Variants in RAP2B observed in about 807,000 individuals in gnomAD.
RAP2B encodes the protein ras-related protein Rap-2b.
RAP2B carries 6 observed loss-of-function variants against 14.4 expected under a neutral mutation model. The observed-to-expected ratio is 0.42, with a 90% CI of 0.23 to 0.82. The LOEUF is 0.82. Among genes scored for constraint, RAP2B ranks in the 40% least tolerant of loss-of-function variants. The pLI, the probability that RAP2B is intolerant of heterozygous loss-of-function variation, is 0.30. For synonymous variants in RAP2B, 118 were observed against 113.2 expected (o/e 1.04, Z -0.27); for missense variants, 137 against 248.2 (o/e 0.55, Z 3.01).
rs963541808 is a variant in RAP2B, at chr3:153,167,439, T to A, written c.*4194T>A. 6.0e-6 allele frequency: 1 copy of A among 167,016 alleles called. No individual in the cohort carries two copies. The highest frequency in any genetic ancestry group is 1.5e-5 in the Non-Finnish European group (1 of 68,124). The allele number at this position is 167,016 out of a possible 1,614,324, so 10.3% of individuals were successfully genotyped here. On this transcript the variant is annotated 3_prime_UTR_variant, in exon 1 of 1. Transcript: ENST00000323534. ...GTCTCGGGTAGGGTCTCAATTTTCA[T>A]TTCTAACAAGTTTCCAAGTGATTGT...
Position 153,170,602 on chromosome 3 carries a change from T to C in RAP2B, c.*7357T>C, listed in dbSNP as rs1031822577. 3 of 152,174 alleles carry C rather than the reference T, an allele frequency of 2.0e-5. No individual in the cohort carries two copies. Among genetic ancestry groups the C allele is most frequent in the African/African-American group, 7.2e-5 (3 of 41,458 alleles). 9.4% of individuals were successfully genotyped at this position (152,174 alleles called of 1,614,324 possible). ...TTGAAAGGTATGTGGAAATTGTAAATAAAAATGGATTCCATGAATTTCAAA... is the reference window on the plus strand; with the variant it reads ...TTGAAAGGTATGTGGAAATTGTAAACAAAAATGGATTCCATGAATTTCAAA... On this transcript the variant is annotated 3_prime_UTR_variant, in exon 1 of 1. Coordinates refer to ENST00000323534, the MANE Select transcript of RAP2B (RefSeq NM_002886.4).
Position 153,162,429 on chromosome 3 carries a change from T to G in RAP2B, c.-265T>G. Reference sequence around the variant, plus strand: ...CAGGCTGCGGGCATTGTCCTCTCGGTTCGCCGCCCGGGCTGCTGCTGCCGC... The same window carrying G: ...CAGGCTGCGGGCATTGTCCTCTCGGGTCGCCGCCCGGGCTGCTGCTGCCGC... On this transcript the variant is annotated 5_prime_UTR_variant, in exon 1 of 1. Coordinates refer to ENST00000323534, the MANE Select transcript of RAP2B (RefSeq NM_002886.4). The surrounding 1 kb of genome is among the most constrained non-coding windows in gnomAD (Gnocchi z 4.9). 3.6e-6 allele frequency: 1 copy of G among 275,992 alleles called. No homozygotes were observed. The highest frequency in any genetic ancestry group is 6.7e-6 in the Non-Finnish European group (1 of 149,776). The allele number at this position is 275,992 out of a possible 1,614,324, so 17.1% of individuals were successfully genotyped here.
In RAP2B at chr3:153,163,884, C is replaced by G. The variant is rs961984875; in HGVS notation, c.*639C>G. 2.4e-5 allele frequency: 4 copies of G among 166,876 alleles called. No individual in the cohort carries two copies. Among genetic ancestry groups the G allele is most frequent in the African/African-American group, 9.7e-5 (4 of 41,432 alleles). The allele number at this position is 166,876 out of a possible 1,614,324, so 10.3% of individuals were successfully genotyped here. ...GATTGCGATTCTGAGGATGTCTATG[C>G]AAAGTTGGATTCTTGTTACAGTGTA... On this transcript the variant is annotated 3_prime_UTR_variant, in exon 1 of 1. Transcript: ENST00000323534.
rs188654640 is a variant in RAP2B at position 153,167,867 on chromosome 3, T to C, written c.*4622T>C. 1.2e-5 allele frequency: 2 copies of C among 167,034 alleles called. No homozygotes were observed. Among genetic ancestry groups the C allele is most frequent in the East Asian group, 3.9e-4 (2 of 5,188 alleles). The allele number at this position is 167,034 out of a possible 1,614,324, so 10.3% of individuals were successfully genotyped here. On this transcript the variant is annotated 3_prime_UTR_variant, in exon 1 of 1. Transcript: ENST00000323534. ...CTCCCCAACCTAGGGGAAAAAAAAT[T>C]TGAAAAGTATGTCTTCAATAAAAGG... is the stretch of plus-strand genomic sequence containing the variant.
rs953049092 is a variant in RAP2B at position 153,164,482 on chromosome 3, C to G, written c.*1237C>G. The G allele has an allele frequency of 1.2e-5, 2 of 167,030 alleles. No individual in the cohort carries two copies. The highest frequency in any genetic ancestry group is 2.9e-5 in the Non-Finnish European group (2 of 68,112). The allele number at this position is 167,030 out of a possible 1,614,324, so 10.3% of individuals were successfully genotyped here. A position where few individuals can be genotyped will look rare whatever the true frequency, so the allele number is the denominator to read the frequency against. On this transcript the variant is annotated 3_prime_UTR_variant, in exon 1 of 1. Transcript: ENST00000323534. ...TTTAAAATGTAATTTCCATCTCTTG[C>G]AATGAATTTGTTTCCCTTTTTTTTG...
rs1178665555 is a variant in RAP2B, at chr3:153,163,258, G to C, written c.*13G>C. 1.3e-6 allele frequency: 2 copies of C among 1,513,288 alleles called. No homozygotes were observed. Among genetic ancestry groups the C allele is most frequent in the Non-Finnish European group, 1.8e-6 (2 of 1,134,402 alleles). The allele number at this position is 1,513,288 out of a possible 1,614,324, so 93.7% of individuals were successfully genotyped here. ...CGTGATCCTCTGAGGCGGCCACCGC[G>C]CGCCGGCCGCGCTCTGCGCACAAAA... is the stretch of plus-strand genomic sequence containing the variant. On this transcript the variant is annotated 3_prime_UTR_variant, in exon 1 of 1. Coordinates refer to ENST00000323534, the MANE Select transcript of RAP2B (RefSeq NM_002886.4).
In RAP2B at chr3:153,164,543, C is replaced by T. The variant is rs1275483708; in HGVS notation, c.*1298C>T. On this transcript the variant is annotated 3_prime_UTR_variant, in exon 1 of 1. Transcript: ENST00000323534. Reference sequence around the variant, plus strand: ...TTTAAATTTTCAGGTATTTAGCTCCCCTTTCATATTATTTTTAAATTTTTT... The same window carrying T: ...TTTAAATTTTCAGGTATTTAGCTCCTCTTTCATATTATTTTTAAATTTTTT... 4.2e-5 allele frequency: 7 copies of T among 166,786 alleles called. No individual in the cohort carries two copies. Among genetic ancestry groups the T allele is most frequent in the Middle Eastern group, 3.4e-3 (1 of 294 alleles). The allele number at this position is 166,786 out of a possible 1,614,324, so 10.3% of individuals were successfully genotyped here. A position where few individuals can be genotyped will look rare whatever the true frequency, so the allele number is the denominator to read the frequency against.
chr3:153,163,229 C>T lies in RAP2B; in HGVS notation c.536C>T (p.Ala179Val). Reference sequence around the variant, plus strand: ...AACGGCGATGAGGGCTGCTGCTCGGCCTGCGTGATCCTCTGAGGCGGCCAC... The same window carrying T: ...AACGGCGATGAGGGCTGCTGCTCGGTCTGCGTGATCCTCTGAGGCGGCCAC... ...QPNGDEGCCS[A>V]CVIL Residue 179 changes from alanine (A) to valine (V), a missense_variant, in exon 1 of 1, where the codon GCC becomes GTC. Physicochemically the swap from Ala to Val is moderately conservative, Grantham distance 64. Coordinates refer to ENST00000323534, the MANE Select transcript of RAP2B (RefSeq NM_002886.4). The T allele has an allele frequency of 6.4e-7, 1 of 1,565,684 alleles. No individual in the cohort carries two copies. Among genetic ancestry groups the T allele is most frequent in the Non-Finnish European group, 8.6e-7 (1 of 1,157,032 alleles).
rs1193460843 is a variant in RAP2B at position 153,163,445 on chromosome 3, T to C, written c.*200T>C. The C allele has an allele frequency of 3.0e-6, 2 of 657,072 alleles. No individual in the cohort carries two copies. The highest frequency in any genetic ancestry group is 5.8e-5 in the East Asian group (2 of 34,446). 40.7% of individuals were successfully genotyped at this position (657,072 alleles called of 1,614,324 possible). A position where few individuals can be genotyped will look rare whatever the true frequency, so the allele number is the denominator to read the frequency against. On this transcript the variant is annotated 3_prime_UTR_variant, in exon 1 of 1. Coordinates refer to ENST00000323534, the MANE Select transcript of RAP2B (RefSeq NM_002886.4). ...GGGGTGTCCGGTCCTGCCCATCCGA[T>C]ACTCTGGTGGAAATGTGGCTCTTTG... is the stretch of plus-strand genomic sequence containing the variant.
In RAP2B at chr3:153,162,648, G is replaced by C. The variant is rs1162161143; in HGVS notation, c.-46G>C. The C allele has an allele frequency of 1.3e-6, 2 of 1,548,358 alleles. No individual in the cohort carries two copies. The highest frequency in any genetic ancestry group is 3.8e-5 in the Admixed American group (2 of 52,646). On this transcript the variant is annotated 5_prime_UTR_variant, in exon 1 of 1. Coordinates refer to ENST00000323534, the MANE Select transcript of RAP2B (RefSeq NM_002886.4). This position sits in a 1 kb window ranked among gnomAD's most constrained non-coding sequence, Gnocchi z 4.9. ...CAAGCCCAGCCTTCCCCGGCGCGCA[G>C]CCCCGACGGGGCCGCGGCAGGCGCG...
In RAP2B at chr3:153,164,929, G is replaced by T. The variant is rs1713533447; in HGVS notation, c.*1684G>T. On this transcript the variant is annotated 3_prime_UTR_variant, in exon 1 of 1. Coordinates refer to ENST00000323534, the MANE Select transcript of RAP2B (RefSeq NM_002886.4). The stretch of plus-strand genomic sequence containing the variant: ...AAACCATCAAGGTCGAGGAAGCCCT[G>T]GGTATGGCCATTACCATCTGATTAG... 1 of 167,026 alleles carries T rather than the reference G, an allele frequency of 6.0e-6. No individual in the cohort carries two copies. The highest frequency in any genetic ancestry group is 2.4e-5 in the African/African-American group (1 of 41,440). 10.3% of individuals were successfully genotyped at this position (167,026 alleles called of 1,614,324 possible).
rs962548708 is a variant in RAP2B, at chr3:153,169,068, A to G, written c.*5823A>G. On this transcript the variant is annotated 3_prime_UTR_variant, in exon 1 of 1. Transcript: ENST00000323534. Reference sequence around the variant, plus strand: ...GAATTTATTTGCCATATATAAGACAATCAGAATTATCTGGTAGTTTATTCT... The same window carrying G: ...GAATTTATTTGCCATATATAAGACAGTCAGAATTATCTGGTAGTTTATTCT... 3.0e-4 allele frequency: 46 copies of G among 152,260 alleles called. No individual in the cohort carries two copies. The highest frequency in any genetic ancestry group is 6.2e-4 in the Non-Finnish European group (42 of 68,048). The allele number at this position is 152,260 out of a possible 1,614,324, so 9.4% of individuals were successfully genotyped here. A position where few individuals can be genotyped will look rare whatever the true frequency, so the allele number is the denominator to read the frequency against.
Position 153,162,318 on chromosome 3 carries a change from A to G in RAP2B, c.-376A>G, listed in dbSNP as rs1481335169. The G allele has an allele frequency of 6.3e-6, 1 of 159,118 alleles. No individual in the cohort carries two copies. The highest frequency in any genetic ancestry group is 2.4e-5 in the African/African-American group (1 of 41,558). The allele number at this position is 159,118 out of a possible 1,614,324, so 9.9% of individuals were successfully genotyped here. ...CACGCGCGTCCCGGCCCGACGCGCAATTAGCAGCCACCTCCGCAGCCCGCC... is the reference window on the plus strand; with the variant it reads ...CACGCGCGTCCCGGCCCGACGCGCAGTTAGCAGCCACCTCCGCAGCCCGCC... On this transcript the variant is annotated 5_prime_UTR_variant, in exon 1 of 1. Transcript: ENST00000323534. This position sits in a 1 kb window ranked among gnomAD's most constrained non-coding sequence, Gnocchi z 4.9.
chr3:153,168,976 G>C lies in RAP2B; in HGVS notation c.*5731G>C, dbSNP rs574401659. The C allele has an allele frequency of 1.3e-5, 2 of 152,116 alleles. No homozygotes were observed. The highest frequency in any genetic ancestry group is 2.9e-5 in the Non-Finnish European group (2 of 67,984). The allele number at this position is 152,116 out of a possible 1,614,324, so 9.4% of individuals were successfully genotyped here. Reference sequence around the variant, plus strand: ...AATATGGACTAATACTTGATTTTGTGAACCTGTTTTAATTTTAGGGTTATA... The same window carrying C: ...AATATGGACTAATACTTGATTTTGTCAACCTGTTTTAATTTTAGGGTTATA... On this transcript the variant is annotated 3_prime_UTR_variant, in exon 1 of 1. Transcript: ENST00000323534.
chr3:153,162,993 C>A lies in RAP2B; in HGVS notation c.300C>A (p.Ile100=). 1 of 1,614,192 alleles carries A rather than the reference C, an allele frequency of 6.2e-7. No individual in the cohort carries two copies. The highest frequency in any genetic ancestry group is 2.2e-5 in the East Asian group (1 of 44,862). Residue 100 remains isoleucine (I), a synonymous_variant, in exon 1 of 1, where the codon ATC becomes ATA. Transcript: ENST00000323534. The surrounding 1 kb of genome is among the most constrained non-coding windows in gnomAD (Gnocchi z 4.9). Reference sequence around the variant, plus strand: ...ACATCAAGCCCATGCGGGACCAGATCATCCGCGTGAAGCGGTACGAGCGCG... The same window carrying A: ...ACATCAAGCCCATGCGGGACCAGATAATCCGCGTGAAGCGGTACGAGCGCG... The part of the protein sequence containing the change: ...FQDIKPMRDQ[I]IRVKRYERVP...
Position 153,163,518 on chromosome 3 carries a change from TTAAG to T in RAP2B, c.*276_*279del, listed in dbSNP as rs1043247568. On this transcript the variant is annotated 3_prime_UTR_variant, in exon 1 of 1. Transcript: ENST00000323534. ...TTTTGGTTGATGCATATTTCCCCGT[TTAAG>T]TAGCCGTTAGGGCGCAGTATCGGCA... 1.7e-4 allele frequency: 70 copies of T among 421,580 alleles called. No individual in the cohort carries two copies. The highest frequency in any genetic ancestry group is 1.3e-3 in the Middle Eastern group (2 of 1,574). The allele number at this position is 421,580 out of a possible 1,614,324, so 26.1% of individuals were successfully genotyped here.
rs996759709 is a variant in RAP2B at position 153,167,560 on chromosome 3, C to T, written c.*4315C>T. 4 of 167,056 alleles carry T rather than the reference C, an allele frequency of 2.4e-5. No homozygotes were observed. Among genetic ancestry groups the T allele is most frequent in the African/African-American group, 9.7e-5 (4 of 41,434 alleles). The allele number at this position is 167,056 out of a possible 1,614,324, so 10.3% of individuals were successfully genotyped here. ...TGACAGCCACCTAGATATTGAGAGA[C>T]ACAGACTTCAGACTCATGTCACACA... is the stretch of plus-strand genomic sequence containing the variant. On this transcript the variant is annotated 3_prime_UTR_variant, in exon 1 of 1. Transcript: ENST00000323534.
rs1473419527 is a variant in RAP2B at position 153,165,827 on chromosome 3, T to G, written c.*2582T>G. ...GCCTTTGCAAAGATTCGTTCTTGTATTTGAATAAATTCAGTTGCTAAAGTA... is the reference window on the plus strand; with the variant it reads ...GCCTTTGCAAAGATTCGTTCTTGTAGTTGAATAAATTCAGTTGCTAAAGTA... On this transcript the variant is annotated 3_prime_UTR_variant, in exon 1 of 1. Coordinates refer to ENST00000323534, the MANE Select transcript of RAP2B (RefSeq NM_002886.4). 2 of 167,124 alleles carry G rather than the reference T, an allele frequency of 1.2e-5. No homozygotes were observed. Among genetic ancestry groups the G allele is most frequent in the Non-Finnish European group, 2.9e-5 (2 of 68,122 alleles). 10.4% of individuals were successfully genotyped at this position (167,124 alleles called of 1,614,324 possible).
chr3:153,163,045 G>A lies in RAP2B; in HGVS notation c.352G>A (p.Val118Met). ...RVPMILVGNK[V>M]DLEGEREVSY... is the part of the protein sequence containing the mutation. ...GCCCATGATCCTGGTGGGCAACAAG[G>A]TGGACCTGGAGGGTGAGCGCGAGGT... The change falls in exon 1 of 1, where the codon GTG becomes ATG. Residue 118 changes from valine (V) to methionine (M), a missense_variant. Around this residue, in one of 2 missense-constraint regions of RAP2B, gnomAD observed 106 missense variants for 143.5 expected, o/e 0.74. Coordinates refer to ENST00000323534, the MANE Select transcript of RAP2B (RefSeq NM_002886.4). 1.2e-6 allele frequency: 2 copies of A among 1,614,160 alleles called. No homozygotes were observed. The highest frequency in any genetic ancestry group is 1.1e-5 in the South Asian group (1 of 91,086).
Sources: allele counts gnomAD v4.1 joint callset, GRCh38; gene constraint gnomAD v4.1.1; regional missense constraint gnomAD v4.1.1; non-coding constraint Gnocchi (gnomAD v3.1); transcripts MANE v1.5; gene names NCBI Gene and HGNC (gene_info 2026-07-23, HGNC 2026-07-21).